GUCY2C: variants seen among roughly 807,000 people sequenced by gnomAD.
GUCY2C encodes the protein guanylyl cyclase C.
Under a neutral mutation model 131.1 loss-of-function variants are expected in GUCY2C, and 118 were observed. The observed-to-expected ratio is 0.90, with a 90% CI of 0.78 to 1.05. The LOEUF is 1.05. GUCY2C is among the 50% of genes least tolerant of loss of function. The probability of loss-of-function intolerance (pLI) is 0.00; values close to 1 mark genes in which losing one functional copy is unlikely to be tolerated. For synonymous variants in GUCY2C, 452 were observed against 457.8 expected (o/e 0.99, Z 0.16); for missense variants, 1,161 against 1,304.4 (o/e 0.89, Z 1.69).
At chr12:14,659,718 G>T (rs890317785) in intron 11 of GUCY2C, among the ~76,000 whole-genome samples, 1 of 152,172 alleles carries the variant, frequency 6.6e-6, no homozygotes, top group Admixed American at 6.5e-5. Context: ...AGAGCCAACT[G>T]TCATTCATAC....
Position 14,650,104 on chromosome 12 carries a change from GT to G in GUCY2C, c.1710+1302del, listed in dbSNP as rs543801275. On this transcript the variant is annotated intron_variant, in intron 15 of 26. Coordinates refer to ENST00000261170, the MANE Select transcript of GUCY2C (RefSeq NM_004963.4). ...AAGGCTTGTATGCTTTAATAATTTTGTTTTTTAAGTAGCAAGTGCATTTTAA... is the reference window on the plus strand; with the variant it reads ...AAGGCTTGTATGCTTTAATAATTTTGTTTTTAAGTAGCAAGTGCATTTTAA... 4.1e-3 allele frequency among the ~76,000 whole-genome samples: 618 copies of G among 151,926 alleles called. 4 individuals carry two copies. Among genetic ancestry groups the G allele is most frequent in the Admixed American group, 6.8e-3 (104 of 15,274 alleles).
chr12:14,644,309 T>C (rs1947468652), intron 16 of GUCY2C, among the ~76,000 whole-genome samples: 1 of 152,112 alleles, frequency 6.6e-6, no homozygotes, highest in African/African-American at 2.4e-5. Context: ...GAGGTTGCAG[T>C]GAGCTGAGAT....
intron 26 of GUCY2C, chr12:14,614,504 A>C (rs1394115886): frequency 1.0e-5 from 2 of 192,362 alleles, no homozygotes; most frequent in Non-Finnish European, 2.1e-5. Context: ...TAGTCTGTTC[A>C]TTCTTCCTCT....
intron 15 of GUCY2C, 33 bp from the exon 16 acceptor site, chr12:14,645,348 G>T: frequency 1.8e-6 from 2 of 1,106,070 alleles, no homozygotes; most frequent in Non-Finnish European, 2.8e-6. Flanking sequence ...AAGAAAAGTT[G>T]TTGCAAGAAA....
intron 1 of GUCY2C, among the ~76,000 whole-genome samples, chr12:14,693,424 A>T (rs952330631): frequency 6.6e-6 from 1 of 152,132 alleles, no homozygotes; most frequent in Non-Finnish European, 1.5e-5. Context: ...GTTCTTTCCC[A>T]CTAGATCCTG....
chr12:14,664,867 T>C (rs1020867154), intron 10 of GUCY2C, among the ~76,000 whole-genome samples: 1 of 152,158 alleles, frequency 6.6e-6, no homozygotes, highest in Non-Finnish European at 1.5e-5. Flanking sequence ...CATTCATTCA[T>C]TCATTCATTT....
In GUCY2C at chr12:14,612,855, C is replaced by T. The variant is rs1325672812; in HGVS notation, c.*262G>A. 2 of 375,180 alleles carry T rather than the reference C, an allele frequency of 5.3e-6. No homozygotes were observed. Among genetic ancestry groups the T allele is most frequent in the African/African-American group, 4.1e-5 (2 of 48,880 alleles). The allele number at this position is 375,180 out of a possible 1,614,324, so 23.2% of individuals were successfully genotyped here. The stretch of plus-strand genomic sequence containing the variant: ...AAAATCTTCTCAAGTTCTAGATAGT[C>T]TATTCATTTCTTTTCTTTTCCAGGT... On this transcript the variant is annotated 3_prime_UTR_variant, in exon 27 of 27. Coordinates refer to ENST00000261170, the MANE Select transcript of GUCY2C (RefSeq NM_004963.4).
intron 1 of GUCY2C, among the ~76,000 whole-genome samples, chr12:14,688,872 G>A (rs1948526615): frequency 2.0e-5 from 3 of 152,210 alleles, no homozygotes; most frequent in South Asian, 4.1e-4. Context: ...AGAAAGAACA[G>A]GGAGGCCAGC....
chr12:14,627,372 T>A (rs1947042570), intron 20 of GUCY2C, among the ~76,000 whole-genome samples: 1 of 152,120 alleles, frequency 6.6e-6, no homozygotes, highest in South Asian at 2.1e-4. Flanking sequence ...CAGAATTGTT[T>A]AACAAGTTCC....
In GUCY2C at chr12:14,681,452, C is replaced by T. The variant is rs768250094; in HGVS notation, c.637G>A (p.Val213Ile). The change falls in exon 5 of 27, where the codon GTT becomes ATT. Residue 213 changes from valine (V) to isoleucine (I), a missense_variant. Physicochemically the swap from Val to Ile is conservative, Grantham distance 29. Coordinates refer to ENST00000261170, the MANE Select transcript of GUCY2C (RefSeq NM_004963.4). ...CCGAGTTCGTGGGAGAAATAGGAAACGCTAGCCTCCAGAGCATTAAGGTAC... is the reference window on the plus strand; with the variant it reads ...CCGAGTTCGTGGGAGAAATAGGAAATGCTAGCCTCCAGAGCATTAAGGTAC... Reference protein sequence around the residue: ...FWYLNALEASVSYFSHELGFK... With the variant: ...FWYLNALEASISYFSHELGFK... 3.2e-5 allele frequency: 51 copies of T among 1,610,560 alleles called. 1 individual carries two copies. In the Middle Eastern group the frequency reaches 9.9e-4, roughly 31 times the overall value.
chr12:14,676,761 G>A (rs914096630), intron 7 of GUCY2C, 93 bp downstream of exon 7: 80 of 335,680 alleles, frequency 2.4e-4, no homozygotes, highest in African/African-American at 1.7e-3. Context: ...GCTCATTTTA[G>A]AATTTGGGTC....
intron 24 of GUCY2C, 87 bp from the exon 25 acceptor site, chr12:14,616,814 G>C: frequency 1.3e-6 from 1 of 774,718 alleles, no homozygotes; most frequent in South Asian, 1.4e-5. Flanking sequence ...CAACACCTGA[G>C]ACAAGAATCC....
rs200646012 is a variant in GUCY2C at position 14,614,969 on chromosome 12, C to T, written c.2971-26G>A. 1,784 of 1,343,752 alleles carry T rather than the reference C, an allele frequency of 1.3e-3. 7 individuals carry two copies. Among genetic ancestry groups the T allele is most frequent in the Non-Finnish European group, 1.6e-3 (1,589 of 965,680 alleles). The allele number at this position is 1,343,752 out of a possible 1,614,324, so 83.2% of individuals were successfully genotyped here. A position where few individuals can be genotyped will look rare whatever the true frequency, so the allele number is the denominator to read the frequency against. On this transcript the variant is annotated intron_variant, in intron 25 of 26. Transcript: ENST00000261170. Reference sequence around the variant, plus strand: ...CTGGTAAGACAAAAGAGTTACGTACCACGGAGTCCAAGGAGTCAGTTCAGT... The same window carrying T: ...CTGGTAAGACAAAAGAGTTACGTACTACGGAGTCCAAGGAGTCAGTTCAGT...
At chr12:14,682,810 G>C (rs1208221772) in intron 4 of GUCY2C, among the ~76,000 whole-genome samples, 1 of 152,106 alleles carries the variant, frequency 6.6e-6, no homozygotes, top group African/African-American at 2.4e-5. Context: ...TGATGTGAAC[G>C]TACTTTCAAA....
chr12:14,678,809 C>T (rs1178761649), intron 6 of GUCY2C, among the ~76,000 whole-genome samples: 1 of 152,106 alleles, frequency 6.6e-6, no homozygotes, highest in Non-Finnish European at 1.5e-5. Flanking sequence ...GCAGTGACAC[C>T]TTCTTCAAGC....
chr12:14,678,075 C>G, intron 6 of GUCY2C, among the ~76,000 whole-genome samples: 1 of 152,228 alleles, frequency 6.6e-6, no homozygotes, highest in South Asian at 2.1e-4. Flanking sequence ...CTCAGCTTCC[C>G]AAGCAGCTGG....
At chr12:14,655,407 C>A (rs952575494) in intron 12 of GUCY2C, among the ~76,000 whole-genome samples, 9 of 152,080 alleles carry the variant, frequency 5.9e-5, no homozygotes, top group Non-Finnish European at 1.3e-4. Context: ...CCAGGAGGGT[C>A]ACATTGGAGC....
At chr12:14,689,654 C>T (rs1592150135) in intron 1 of GUCY2C, among the ~76,000 whole-genome samples, 2 of 152,162 alleles carry the variant, frequency 1.3e-5, no homozygotes, top group East Asian at 1.9e-4. Flanking sequence ...ATTATCTCAT[C>T]CCAAACCAAT....
intron 23 of GUCY2C, among the ~76,000 whole-genome samples, chr12:14,620,480 T>C (rs1363133292): frequency 6.6e-6 from 1 of 152,230 alleles, no homozygotes; most frequent in Non-Finnish European, 1.5e-5. Context: ...TATTCTTTGC[T>C]CAATCAAACT....
Sources: gnomAD v4.1 joint callset for allele counts (sites outside exome capture counted in the v4.1 genomes callset) on GRCh38, gnomAD v4.1.1 for gene constraint, MANE v1.5 for transcripts, NCBI Gene and HGNC (gene_info 2026-07-23, HGNC 2026-07-21) for gene names.